The following HDX variants were observed in gnomAD, a reference collection of about 807,000 sequenced individuals.
HDX encodes the protein highly divergent homeobox, also known as chromosome X open reading frame 43.
A neutral mutation model predicts 45.2 loss-of-function variants in HDX; 19 were observed. That is an observed-to-expected ratio of 0.42 (90% CI 0.29 to 0.62). HDX has a LOEUF of 0.62. HDX is among the 20% of genes least tolerant of loss of function. HDX has a pLI of 0.20. For missense variants in HDX, 532 were observed against 493.9 expected (o/e 1.08, Z -0.73); for synonymous variants, 188 against 172.8 (o/e 1.09, Z -0.69).
intron 9 of HDX, among the ~76,000 whole-genome samples, chrX:84,326,641 G>C (rs911420603): frequency 9.0e-6 from 1 of 111,297 alleles, no homozygotes; most frequent in Non-Finnish European, 1.9e-5. Context: ...GGTTGGGTGC[G>C]TGGCTCACAC....
chrX:84,416,024 C>A (rs1402995233), intron 5 of HDX, among the ~76,000 whole-genome samples: 1 of 111,763 alleles, frequency 8.9e-6, no homozygotes. Flanking sequence ...TCACAGATGA[C>A]AATTTAAAAC....
At chrX:84,452,537 CAA>C (rs58737273) in intron 4 of HDX, among the ~76,000 whole-genome samples, 340 of 53,864 alleles carry the variant, frequency 6.3e-3, no homozygotes, top group African/African-American at 0.021. Context: ...AAGCTCATTA[CAA>C]AAAAAAAAAA....
In HDX at chrX:84,470,869, A is replaced by ATTCTT. The variant is rs1480849195; in HGVS notation, c.148-1295_148-1294insAAGAA. Among the ~76,000 whole-genome samples, 166 of 111,662 alleles carry ATTCTT rather than the reference A, an allele frequency of 1.5e-3. 1 individual carries two copies. The highest frequency in any genetic ancestry group is 5.3e-3 in the African/African-American group (162 of 30,780). On this transcript the variant is annotated intron_variant, in intron 3 of 10. Transcript: ENST00000373177. ...AAGCACATTAATCTATTAAGAATTA[A>ATTCTT]ACAGGCCATGCACAGTGGCTCATGC... is the stretch of plus-strand genomic sequence containing the variant.
intron 4 of HDX, among the ~76,000 whole-genome samples, chrX:84,465,078 TC>T (rs1457164325): frequency 1.8e-5 from 2 of 112,210 alleles, no homozygotes; most frequent in Non-Finnish European, 3.8e-5. Context: ...AAAAAGCTCA[TC>T]ATCACTAGTC....
chrX:84,392,193 A>G (rs1270993980), intron 5 of HDX, among the ~76,000 whole-genome samples: 1 of 111,953 alleles, frequency 8.9e-6, no homozygotes, highest in East Asian at 2.8e-4. Flanking sequence ...AAATGTATGT[A>G]CTTAGCACCT....
intron 2 of HDX, among the ~76,000 whole-genome samples, chrX:84,476,544 CAAAA>C (rs376973856): frequency 0.016 from 610 of 38,039 alleles, 12 homozygotes; most frequent in African/African-American, 0.05. Flanking sequence ...AACTCTGTCT[CAAAA>C]AAAAAAAAAA....
intron 5 of HDX, among the ~76,000 whole-genome samples, chrX:84,367,109 G>T (rs765790865): frequency 9.0e-5 from 10 of 111,338 alleles, no homozygotes; most frequent in Non-Finnish European, 1.9e-4. Context: ...AGCTGACAAA[G>T]GGCTAATATC....
intron 4 of HDX, among the ~76,000 whole-genome samples, chrX:84,453,181 G>A (rs2040039138): frequency 8.9e-6 from 1 of 112,124 alleles, no homozygotes; most frequent in African/African-American, 3.2e-5. Flanking sequence ...CCAATTAGAA[G>A]GAACAATTGT....
At chrX:84,498,539 A>C (rs1030055798) in intron 1 of HDX, among the ~76,000 whole-genome samples, 1 of 111,837 alleles carries the variant, frequency 8.9e-6, no homozygotes, top group Non-Finnish European at 1.9e-5. Flanking sequence ...CTGACTCCAC[A>C]ATAAAATAAA....
intron 5 of HDX, among the ~76,000 whole-genome samples, chrX:84,419,528 C>T (rs777181017): frequency 3.2e-4 from 35 of 109,756 alleles, no homozygotes; most frequent in Non-Finnish European, 6.1e-4. Context: ...CAAGGAAACA[C>T]GAGTATATTT....
intron 5 of HDX, among the ~76,000 whole-genome samples, chrX:84,374,912 A>G (rs2038007247): frequency 1.9e-5 from 2 of 102,904 alleles, no homozygotes; most frequent in African/African-American, 7.1e-5. Context: ...ATTAAACTAA[A>G]GAGCTTCTGC....
chrX:84,448,981 A>C (rs943907199), intron 4 of HDX, among the ~76,000 whole-genome samples: 1 of 109,008 alleles, frequency 9.2e-6, no homozygotes, highest in East Asian at 2.9e-4. Flanking sequence ...AAATTCATGG[A>C]ATCAAATAAA....
chrX:84,329,341 T>C (rs750586976), intron 9 of HDX, among the ~76,000 whole-genome samples: 1 of 111,724 alleles, frequency 9.0e-6, no homozygotes, highest in East Asian at 2.8e-4. Flanking sequence ...TTATTTTTGG[T>C]TTATTAATAC....
chrX:84,338,752 T>A (rs1411459904), intron 7 of HDX, among the ~76,000 whole-genome samples: 1 of 111,049 alleles, frequency 9.0e-6, no homozygotes, highest in African/African-American at 3.3e-5. Flanking sequence ...CATGTCAAAT[T>A]GCAATCCCCA....
At chrX:84,398,800 C>T (rs1340750328) in intron 5 of HDX, among the ~76,000 whole-genome samples, 3 of 111,802 alleles carry the variant, frequency 2.7e-5, no homozygotes, top group African/African-American at 9.7e-5. Context: ...ATTCTAAAAT[C>T]GATCACGTAA....
At chrX:84,467,764 T>C (rs2040380861) in intron 4 of HDX, among the ~76,000 whole-genome samples, 2 of 111,771 alleles carry the variant, frequency 1.8e-5, no homozygotes, top group African/African-American at 6.5e-5. Context: ...GGATAAGAGA[T>C]GTTCTGAGGT....
intron 4 of HDX, among the ~76,000 whole-genome samples, chrX:84,447,440 C>T (rs2039897628): frequency 9.0e-6 from 1 of 111,415 alleles, no homozygotes; most frequent in Admixed American, 9.5e-5. Context: ...AAGCGAGTGA[C>T]ACCCAGTAGT....
intron 6 of HDX, among the ~76,000 whole-genome samples, chrX:84,350,169 C>T (rs1036454504): frequency 8.1e-5 from 9 of 111,665 alleles, no homozygotes; most frequent in Non-Finnish European, 1.7e-4. Flanking sequence ...TTATTGATTT[C>T]TACTTTGATG....
intron 4 of HDX, among the ~76,000 whole-genome samples, chrX:84,445,259 G>A (rs757401229): frequency 4.5e-5 from 5 of 111,571 alleles, no homozygotes; most frequent in Non-Finnish European, 9.4e-5. Context: ...TTGTTAAATG[G>A]TATTTGATTA....
Sources: allele counts gnomAD v4.1 joint callset (sites outside exome capture counted in the v4.1 genomes callset), GRCh38; gene constraint gnomAD v4.1.1; transcripts MANE v1.5; gene names NCBI Gene and HGNC (gene_info 2026-07-23, HGNC 2026-07-21).